Variants in RNF38 observed in about 807,000 individuals in gnomAD.
RNF38 encodes E3 ubiquitin-protein ligase RNF38.
In RNF38, 15 loss-of-function variants were observed where a neutral mutation model predicts 67.2. The ratio of observed to expected loss-of-function variants is 0.22; its 90% CI spans 0.15 to 0.34. RNF38 has a LOEUF of 0.34. RNF38 is among the 10% of genes least tolerant of loss of function. The pLI is 1.00. For missense variants in RNF38, 524 were observed against 639.9 expected, an observed-to-expected ratio of 0.82 and a Z score of 1.95; for synonymous variants, 220 against 218.8, an observed-to-expected ratio of 1.01 and a Z score of -0.05.
chr9:36,459,667 T>C (rs1457895718), intron 1 of RNF38, among the ~76,000 whole-genome samples: 1 of 152,140 alleles, frequency 6.6e-6, no homozygotes, highest in Non-Finnish European at 1.5e-5. Flanking sequence ...AAATATTAAC[T>C]CTAATTATTG....
intron 7 of RNF38, 50 bp from the exon 8 acceptor site, chr9:36,352,898 A>G: frequency 7.8e-7 from 1 of 1,281,942 alleles, no homozygotes; most frequent in Non-Finnish European, 1.1e-6. Flanking sequence ...GTTTACAAAT[A>G]GCCTGTCAAA....
At chr9:36,466,038 C>T (rs908160406) in intron 1 of RNF38, among the ~76,000 whole-genome samples, 3 of 152,128 alleles carry the variant, frequency 2.0e-5, no homozygotes, top group African/African-American at 7.2e-5. Flanking sequence ...GGCAACAGTG[C>T]GAGACTCTGT....
intron 2 of RNF38, among the ~76,000 whole-genome samples, chr9:36,378,697 T>C (rs1322547586): frequency 6.6e-6 from 1 of 152,218 alleles, no homozygotes; most frequent in Non-Finnish European, 1.5e-5. Flanking sequence ...TAAACCTTTA[T>C]ATATTTTCAG....
chr9:36,445,079 G>C (rs1839271042), intron 1 of RNF38, among the ~76,000 whole-genome samples: 1 of 152,162 alleles, frequency 6.6e-6, no homozygotes, highest in Non-Finnish European at 1.5e-5. Context: ...CTGGGGTTCA[G>C]CATCCACAAG....
intron 11 of RNF38, among the ~76,000 whole-genome samples, chr9:36,340,032 T>A (rs914791681): frequency 6.6e-6 from 1 of 151,980 alleles, no homozygotes; most frequent in Non-Finnish European, 1.5e-5. Flanking sequence ...CAGGCTGGAG[T>A]GCAATGGCAC....
At chr9:36,351,296 A>G in intron 8 of RNF38, 97 bp from the exon 9 acceptor site, 1 of 755,156 alleles carries the variant, frequency 1.3e-6, no homozygotes, top group Non-Finnish European at 2.1e-6. Flanking sequence ...AGGATGAAGA[A>G]TGGTTAGTGT....
intron 1 of RNF38, among the ~76,000 whole-genome samples, chr9:36,445,973 C>T (rs1441670695): frequency 6.6e-6 from 1 of 152,162 alleles, no homozygotes; most frequent in Non-Finnish European, 1.5e-5. Context: ...TTTTATTCTC[C>T]CACGTGCATT....
Position 36,363,371 on chromosome 9 carries a change from G to A in RNF38, c.571-5429C>T, listed in dbSNP as rs1304783064. Among the ~76,000 whole-genome samples the A allele has an allele frequency of 1.3e-4, 13 of 100,826 alleles. 3 individuals carry two copies. The highest frequency in any genetic ancestry group is 3.9e-4 in the African/African-American group (13 of 33,640). 66.1% of individuals were successfully genotyped at this position (100,826 alleles called of 152,430 possible). On this transcript the variant is annotated intron_variant, in intron 4 of 11. Transcript: ENST00000259605. ...AAGAATGGAATTGCTGGATTACTGG[G>A]TAGGTGTATGTTTGACATGATTAGA...
chr9:36,380,134 A>G (rs1028071339), intron 2 of RNF38, among the ~76,000 whole-genome samples: 1 of 152,254 alleles, frequency 6.6e-6, no homozygotes, highest in African/African-American at 2.4e-5. Context: ...GTTTATGATA[A>G]AATCACGGAC....
intron 10 of RNF38, among the ~76,000 whole-genome samples, chr9:36,344,517 G>A (rs1386738343): frequency 6.6e-6 from 1 of 152,098 alleles, no homozygotes; most frequent in Non-Finnish European, 1.5e-5. Flanking sequence ...TAAAAATCCA[G>A]AACAGCCCTA....
chr9:36,339,725 A>G lies in RNF38; in HGVS notation c.*27T>C. The G allele has an allele frequency of 6.3e-7, 1 of 1,596,482 alleles. No individual in the cohort carries two copies. The highest frequency in any genetic ancestry group is 2.2e-5 in the East Asian group (1 of 44,656). ...TATATACATGTGATGAGGAACACCC[A>G]AACTAAATTTGTGCTTCTTAGGTTG... On this transcript the variant is annotated 3_prime_UTR_variant, in exon 12 of 12. Coordinates refer to ENST00000259605, the MANE Select transcript of RNF38 (RefSeq NM_022781.5).
chr9:36,467,248 C>T, intron 1 of RNF38, among the ~76,000 whole-genome samples: 1 of 95,388 alleles, frequency 1.0e-5, no homozygotes, highest in Non-Finnish European at 2.2e-5. Flanking sequence ...TATATATACA[C>T]ACACACACAC....
chr9:36,385,925 A>C (rs1375603337), intron 2 of RNF38, among the ~76,000 whole-genome samples: 1 of 152,168 alleles, frequency 6.6e-6, no homozygotes, highest in African/African-American at 2.4e-5. Context: ...CCACTTCTTC[A>C]AGCATCTCGA....
intron 1 of RNF38, among the ~76,000 whole-genome samples, chr9:36,429,044 T>A (rs753345775): frequency 2.0e-5 from 3 of 152,206 alleles, no homozygotes; most frequent in Non-Finnish European, 2.9e-5. Flanking sequence ...AACATAGGAA[T>A]AAATAACACA....
chr9:36,369,437 G>A (rs181499561), intron 4 of RNF38, among the ~76,000 whole-genome samples: 377 of 152,088 alleles, frequency 2.5e-3, no homozygotes, highest in Admixed American at 6.5e-3. Context: ...GGCTTGTCTC[G>A]AATGCCTAAG....
chr9:36,410,963 G>C (rs750293145), intron 2 of RNF38, among the ~76,000 whole-genome samples: 37 of 152,188 alleles, frequency 2.4e-4, no homozygotes, highest in Admixed American at 1.8e-3. Context: ...GGTGGTGGCT[G>C]CACAAAAAGG....
chr9:36,445,953 C>T (rs962920659), intron 1 of RNF38, among the ~76,000 whole-genome samples: 3 of 152,192 alleles, frequency 2.0e-5, no homozygotes, highest in Non-Finnish European at 2.9e-5. Context: ...AGCACTTAGT[C>T]CCTGAGTTGT....
intron 4 of RNF38, 47 bp downstream of exon 4, chr9:36,369,672 C>T: frequency 5.5e-6 from 8 of 1,443,892 alleles, no homozygotes; most frequent in Non-Finnish European, 7.4e-6. Context: ...TCTCAAACTG[C>T]CACAAAATTT....
chr9:36,388,561 T>C (rs552518107), intron 2 of RNF38, among the ~76,000 whole-genome samples: 3 of 152,248 alleles, frequency 2.0e-5, no homozygotes, highest in South Asian at 2.1e-4. Context: ...ATCCAGGAAG[T>C]GTAGCAACAC....
Sources: allele counts gnomAD v4.1 joint callset (sites outside exome capture counted in the v4.1 genomes callset), GRCh38; gene constraint gnomAD v4.1.1; transcripts MANE v1.5; gene names NCBI Gene and HGNC (gene_info 2026-07-23, HGNC 2026-07-21).